Variants in PKIB observed in about 807,000 individuals in gnomAD.
The protein encoded by PKIB is PKI-beta.
A neutral mutation model predicts 4.5 loss-of-function variants in PKIB; 2 were observed. The ratio of observed to expected loss-of-function variants is 0.44; its 90% confidence interval spans 0.18 to 1.39. The LOEUF is 1.39. PKIB is among the 40% of genes most tolerant of loss of function. The pLI is 0.27. For synonymous variants in PKIB, 38 were observed against 36.0 expected (o/e 1.06, Z -0.20); for missense variants, 94 against 92.6 (o/e 1.02, Z -0.06).
Position 122,688,942 on chromosome 6 carries a change from G to A in PKIB, c.-9+13798G>A, listed in dbSNP as rs893550087. Reference sequence around the variant, plus strand: ...ACTACAGACGCCCGCCACCACGCCCGTCTAATTTTTTTTTATTTTTAGTAG... The same window carrying A: ...ACTACAGACGCCCGCCACCACGCCCATCTAATTTTTTTTTATTTTTAGTAG... On this transcript the variant is annotated intron_variant, in intron 3 of 4. Coordinates refer to ENST00000368452, the MANE Select transcript of PKIB (RefSeq NM_181795.3). Among the ~76,000 whole-genome samples the A allele has an allele frequency of 1.1e-4, 17 of 151,850 alleles. No individual in the cohort carries two copies. In the East Asian group the frequency reaches 1.2e-3, roughly 10 times the overall value.
chr6:122,548,774 GAA>G (rs1343440636), intron 2 of PKIB, among the ~76,000 whole-genome samples: 2 of 152,134 alleles, frequency 1.3e-5, no homozygotes, highest in Non-Finnish European at 2.9e-5. Flanking sequence ...AATTACAAAA[GAA>G]GAGAACACAA....
chr6:122,719,215 T>C (rs563071424), intron 4 of PKIB, among the ~76,000 whole-genome samples: 109 of 152,122 alleles, frequency 7.2e-4, no homozygotes, highest in Non-Finnish European at 1.3e-3. Flanking sequence ...TGACATTACT[T>C]AATCAAGCAA....
intron 2 of PKIB, among the ~76,000 whole-genome samples, chr6:122,520,669 C>A (rs909818720): frequency 1.7e-5 from 2 of 119,216 alleles, no homozygotes; most frequent in Non-Finnish European, 3.3e-5. Context: ...GTTCCCACCC[C>A]CCCCCCACCA....
chr6:122,618,026 G>T (rs1017807787), intron 1 of PKIB, among the ~76,000 whole-genome samples: 2 of 152,026 alleles, frequency 1.3e-5, no homozygotes, highest in South Asian at 2.1e-4. Flanking sequence ...TTTCTTAAAA[G>T]AATGTATAGT....
At chr6:122,475,354 T>C (rs112906810) in intron 1 of PKIB, among the ~76,000 whole-genome samples, 3 of 152,364 alleles carry the variant, frequency 2.0e-5, no homozygotes, top group Middle Eastern at 3.4e-3. Flanking sequence ...TTGTAATTCC[T>C]GTTGAAATCC....
intron 3 of PKIB, among the ~76,000 whole-genome samples, chr6:122,704,956 G>A (rs913980139): frequency 5.9e-5 from 9 of 152,252 alleles, no homozygotes; most frequent in South Asian, 2.1e-4. Context: ...TATTCGGGAG[G>A]CAGACAGGAC....
intron 2 of PKIB, among the ~76,000 whole-genome samples, chr6:122,487,999 C>T (rs936474243): frequency 6.6e-6 from 1 of 152,100 alleles, no homozygotes; most frequent in Admixed American, 6.6e-5. Flanking sequence ...TTCTGTTTCT[C>T]TCTTTAGTAA....
At chr6:122,607,055 T>C (rs572404374), upstream of PKIB, among the ~76,000 whole-genome samples, 2 of 150,916 alleles carry the variant, frequency 1.3e-5, no homozygotes, top group Admixed American at 6.6e-5. Context: ...CAATGAAAGA[T>C]GAAAATGCAA....
At chr6:122,544,499 C>T (rs1440681543) in intron 2 of PKIB, among the ~76,000 whole-genome samples, 3 of 152,020 alleles carry the variant, frequency 2.0e-5, no homozygotes, top group African/African-American at 7.3e-5. Flanking sequence ...CCCACCTCCC[C>T]CTTGCCTGCA....
intron 2 of PKIB, among the ~76,000 whole-genome samples, chr6:122,574,554 A>C (rs890921459): frequency 1.7e-4 from 26 of 152,198 alleles, no homozygotes; most frequent in African/African-American, 6.3e-4. Context: ...CACTGGTATA[A>C]AAATAGGCAT....
intron 2 of PKIB, among the ~76,000 whole-genome samples, chr6:122,509,682 C>T (rs952129353): frequency 3.3e-5 from 5 of 151,816 alleles, no homozygotes; most frequent in African/African-American, 4.8e-5. Context: ...CTGCCCACCT[C>T]GGCCTCCCAA....
rs188164747 is a variant in PKIB, at chr6:122,531,820, T to A, written c.-248+53881T>A. Among the ~76,000 whole-genome samples, 550 of 152,366 alleles carry A rather than the reference T, an allele frequency of 3.6e-3. 4 individuals carry two copies. The highest frequency in any genetic ancestry group is 0.012 in the African/African-American group (509 of 41,594). ...TAAGGCTGGGAATTTATACCGTTAA[T>A]CTTTGTGGCTTTAGCACTCAGCATT... is the stretch of plus-strand genomic sequence containing the variant. On this transcript the variant is annotated intron_variant, in intron 2 of 6. Coordinates refer to the PKIB transcript ENST00000392491.
chr6:122,720,199 T>A (rs1039579986), intron 4 of PKIB, among the ~76,000 whole-genome samples: 9 of 152,220 alleles, frequency 5.9e-5, no homozygotes, highest in East Asian at 1.9e-4. Flanking sequence ...TTAATTTTTT[T>A]AATAAATATG....
intron 2 of PKIB, among the ~76,000 whole-genome samples, chr6:122,566,314 C>T (rs372227679): frequency 1.3e-5 from 2 of 152,090 alleles, no homozygotes; most frequent in African/African-American, 4.8e-5. Context: ...ACCACAGTTC[C>T]ATTACTTTCT....
At chr6:122,497,086 G>T (rs1243267804) in intron 2 of PKIB, among the ~76,000 whole-genome samples, 1 of 152,156 alleles carries the variant, frequency 6.6e-6, no homozygotes, top group Non-Finnish European at 1.5e-5. Flanking sequence ...CATTCTCAAA[G>T]AAAAGAAATT....
chr6:122,602,130 G>A (rs1490383436), intron 3 of PKIB, among the ~76,000 whole-genome samples: 2 of 151,990 alleles, frequency 1.3e-5, no homozygotes, highest in Non-Finnish European at 2.9e-5. Flanking sequence ...TCATAGCGGT[G>A]CTTCAACTCA....
At chr6:122,499,954 C>T (rs1776179913) in intron 2 of PKIB, among the ~76,000 whole-genome samples, 1 of 151,976 alleles carries the variant, frequency 6.6e-6, no homozygotes, top group Non-Finnish European at 1.5e-5. Context: ...TTACAATAGC[C>T]ACATAAAAAT....
intron 3 of PKIB, among the ~76,000 whole-genome samples, chr6:122,713,589 A>T (rs1779357372): frequency 6.6e-6 from 1 of 152,222 alleles, no homozygotes; most frequent in Non-Finnish European, 1.5e-5. Flanking sequence ...CAGACAAATG[A>T]GAGATGGCTA....
chr6:122,723,027 C>G (rs1779804484), intron 4 of PKIB, among the ~76,000 whole-genome samples: 1 of 152,136 alleles, frequency 6.6e-6, no homozygotes, highest in African/African-American at 2.4e-5. Flanking sequence ...TTTCTCTTCC[C>G]TTGGCTTTCC....
Sources: gnomAD v4.1 joint callset for allele counts (sites outside exome capture counted in the v4.1 genomes callset) on GRCh38, gnomAD v4.1.1 for gene constraint, MANE v1.5 for transcripts, NCBI Gene and HGNC (gene_info 2026-07-23, HGNC 2026-07-21) for gene names.